Variants in RARB observed in about 807,000 individuals in gnomAD.
The protein encoded by RARB is HBV-activated protein.
Under a neutral mutation model 51.9 loss-of-function variants are expected in RARB, and 17 were observed. That is an observed-to-expected ratio of 0.33 (90% CI 0.22 to 0.49). The LOEUF is 0.49. Ranked by LOEUF, RARB falls within the 20% of genes least tolerant of loss-of-function variation. The pLI, the probability that RARB is intolerant of heterozygous loss-of-function variation, is 0.99. For missense variants in RARB, 369 were observed against 550.8 expected (o/e 0.67, Z 3.30); for synonymous variants, 215 against 195.4 (o/e 1.10, Z -0.84).
intron 5 of RARB, among the ~76,000 whole-genome samples, chr3:25,255,719 G>A (rs112380151): frequency 6.6e-6 from 1 of 151,964 alleles, no homozygotes; most frequent in Non-Finnish European, 1.5e-5. Context: ...ACAGTTTTGT[G>A]GACCTTTTAG....
At chr3:25,112,734 C>T (rs1047676122) in intron 3 of RARB, among the ~76,000 whole-genome samples, 3 of 152,086 alleles carry the variant, frequency 2.0e-5, no homozygotes, top group Non-Finnish European at 4.4e-5. Context: ...GCCATAATAG[C>T]ACCACTGCAC....
Position 25,327,093 on chromosome 3 carries a change from C to T in RARB, c.179-134100C>T, listed in dbSNP as rs538544415. ...CTATAAGTGAGAACATGCGCTGTTT[C>T]GTTTTTAGACACAGGGATTATAAAA... On this transcript the variant is annotated intron_variant, in intron 5 of 11. Transcript: ENST00000383772. Among the ~76,000 whole-genome samples the T allele has an allele frequency of 2.6e-5, 4 of 151,736 alleles. No individual in the cohort carries two copies. In the East Asian group the frequency reaches 5.8e-4, roughly 22 times the overall value.
chr3:25,412,060 G>A (rs150262329), intron 5 of RARB, among the ~76,000 whole-genome samples: 6 of 152,246 alleles, frequency 3.9e-5, no homozygotes, highest in African/African-American at 1.2e-4. Flanking sequence ...GTCATTATGA[G>A]GTATCACAGA....
intron 3 of RARB, among the ~76,000 whole-genome samples, chr3:25,562,397 C>G (rs1351320468): frequency 5.3e-5 from 8 of 152,136 alleles, no homozygotes; most frequent in Non-Finnish European, 1.0e-4. Context: ...AAGGCTTCAT[C>G]TCAGCTCTTA....
chr3:25,195,481 A>C (rs975556401), intron 5 of RARB, among the ~76,000 whole-genome samples: 10 of 152,170 alleles, frequency 6.6e-5, no homozygotes, highest in Admixed American at 2.6e-4. Flanking sequence ...GTCAGCTTGG[A>C]GATCCCTAAT....
chr3:25,255,048 C>G lies in RARB; in HGVS notation c.178+80473C>G, dbSNP rs543130232. 2.0e-5 allele frequency among the ~76,000 whole-genome samples: 3 copies of G among 152,230 alleles called. No individual in the cohort carries two copies. The South Asian group carries it at 6.2e-4, about 32-fold the overall frequency. On this transcript the variant is annotated intron_variant, in intron 5 of 11. Coordinates refer to the RARB transcript ENST00000383772. ...TTCTGTGTCTAAACTAGGGGCTGCT[C>G]CCAATATTGGCCAAACATCAGGCTT...
At chr3:25,344,240 G>T (rs1041356172) in intron 5 of RARB, among the ~76,000 whole-genome samples, 1 of 152,126 alleles carries the variant, frequency 6.6e-6, no homozygotes, top group Admixed American at 6.5e-5. Flanking sequence ...ATTTCAAGAA[G>T]ATAGTCACAT....
chr3:25,057,119 C>T (rs1452882916), intron 2 of RARB, among the ~76,000 whole-genome samples: 2 of 152,080 alleles, frequency 1.3e-5, no homozygotes, highest in Non-Finnish European at 2.9e-5. Flanking sequence ...AGCTTATGGG[C>T]TGAGCCTAAA....
At chr3:25,250,943 C>T (rs1702702413) in intron 5 of RARB, among the ~76,000 whole-genome samples, 1 of 152,158 alleles carries the variant, frequency 6.6e-6, no homozygotes, top group African/African-American at 2.4e-5. Flanking sequence ...AGTTGGGAAC[C>T]TCTACAGGCT....
In RARB at chr3:25,382,136, C is replaced by A. The variant is rs73157833; in HGVS notation, c.179-79057C>A. Among the ~76,000 whole-genome samples the A allele has an allele frequency of 5.3e-3, 808 of 152,068 alleles. 10 individuals carry two copies. Among genetic ancestry groups the A allele is most frequent in the African/African-American group, 0.018 (765 of 41,486 alleles). ...TCTTTGGGCTCAAAGAGTAGGAGTC[C>A]AAAAGCATATAATAGGTGAAGACAC... is the stretch of plus-strand genomic sequence containing the variant. On this transcript the variant is annotated intron_variant, in intron 5 of 11. Transcript: ENST00000383772.
At chr3:24,931,304 C>T (rs184661257) in intron 2 of RARB, among the ~76,000 whole-genome samples, 203 of 152,172 alleles carry the variant, frequency 1.3e-3, no homozygotes, top group African/African-American at 4.6e-3. Context: ...TCTCCTATTC[C>T]TCCAAATACA....
At chr3:25,389,912 G>A (rs533422932) in intron 5 of RARB, among the ~76,000 whole-genome samples, 2 of 152,284 alleles carry the variant, frequency 1.3e-5, no homozygotes, top group South Asian at 4.1e-4. Context: ...AACCAAATGG[G>A]GAAGAGTAGT....
At chr3:25,176,913 T>G (rs988015166) in intron 5 of RARB, among the ~76,000 whole-genome samples, 5 of 152,198 alleles carry the variant, frequency 3.3e-5, no homozygotes, top group African/African-American at 9.7e-5. Context: ...TTGAATAGAT[T>G]CAACCTTTGA....
At chr3:25,083,074 T>C (rs1284061001) in intron 3 of RARB, among the ~76,000 whole-genome samples, 1 of 152,092 alleles carries the variant, frequency 6.6e-6, no homozygotes, top group East Asian at 1.9e-4. Flanking sequence ...TTTTTTTCCT[T>C]CTGGCTGCTT....
At position 25,524,321 on chromosome 3, in the gene RARB, G is replaced by A. The variant is rs76083009; in HGVS notation, c.448+22998G>A. On this transcript the variant is annotated intron_variant, in intron 3 of 7. Transcript: ENST00000330688. Reference sequence around the variant, plus strand: ...CATAAATGATCATTTTAAACTGCTTGGAAAATCAAACTGTTCAGAAAGTAC... The same window carrying A: ...CATAAATGATCATTTTAAACTGCTTAGAAAATCAAACTGTTCAGAAAGTAC... Among the ~76,000 whole-genome samples the A allele has an allele frequency of 6.2e-3, 937 of 152,232 alleles. 10 individuals are homozygous for A. The highest frequency in any genetic ancestry group is 0.021 in the African/African-American group (876 of 41,546).
intron 2 of RARB, among the ~76,000 whole-genome samples, chr3:24,873,936 C>A (rs138426632): frequency 1.3e-5 from 2 of 151,776 alleles, no homozygotes; most frequent in Non-Finnish European, 2.9e-5. Context: ...AACCACAGAT[C>A]AAAAATGTTC....
intron 2 of RARB, among the ~76,000 whole-genome samples, chr3:24,886,860 T>C (rs9819866): frequency 0.2 from 31,194 of 152,208 alleles, 4,432 homozygotes; most frequent in African/African-American, 0.4. Context: ...TGCTTTCCTA[T>C]ATTAAGCTTT....
At chr3:25,578,429 G>C (rs1631354) in intron 4 of RARB, among the ~76,000 whole-genome samples, 63,213 of 152,064 alleles carry the variant, frequency 0.42, 13,211 homozygotes, top group African/African-American at 0.45. Context: ...GTTACCTCAT[G>C]CAATGTTGAT....
chr3:25,152,209 T>C (rs1700298406), intron 4 of RARB, among the ~76,000 whole-genome samples: 1 of 152,220 alleles, frequency 6.6e-6, no homozygotes, highest in African/African-American at 2.4e-5. Flanking sequence ...TCTAGACATG[T>C]GGATGTCGGT....
Sources: allele counts gnomAD v4.1 joint callset (sites outside exome capture counted in the v4.1 genomes callset), GRCh38; gene constraint gnomAD v4.1.1; transcripts MANE v1.5; gene names NCBI Gene and HGNC (gene_info 2026-07-23, HGNC 2026-07-21).